CACNA2D3: variants seen among roughly 807,000 people sequenced by gnomAD.
CACNA2D3 encodes the protein calcium voltage-gated channel auxiliary subunit alpha2delta 3, also known as voltage-dependent calcium channel subunit alpha-2/delta-3.
In CACNA2D3, 60 loss-of-function variants were observed where a neutral mutation model predicts 160.6. The ratio of observed to expected loss-of-function variants is 0.37; its 90% CI spans 0.30 to 0.46. The LOEUF is 0.46. Among genes scored for constraint, CACNA2D3 ranks in the 20% least tolerant of loss-of-function variants. The pLI is 1.00. For synonymous variants in CACNA2D3, 558 were observed against 492.9 expected, an observed-to-expected ratio of 1.13 and a Z score of -1.75; for missense variants, 1,205 against 1,365.0, an observed-to-expected ratio of 0.88 and a Z score of 1.85.
intron 2 of CACNA2D3, among the ~76,000 whole-genome samples, chr3:54,290,168 G>A (rs540904027): frequency 6.6e-6 from 1 of 152,128 alleles, no homozygotes; most frequent in South Asian, 2.1e-4. Flanking sequence ...ATCTGACAAA[G>A]GGCTAATATC....
intron 11 of CACNA2D3, among the ~76,000 whole-genome samples, chr3:54,750,952 A>G (rs1004236635): frequency 5.3e-5 from 8 of 151,834 alleles, no homozygotes; most frequent in Non-Finnish European, 7.4e-5. Context: ...TTGTATTTTT[A>G]GTAGAGATGG....
intron 3 of CACNA2D3, among the ~76,000 whole-genome samples, chr3:54,332,358 T>A (rs936584642): frequency 6.6e-6 from 1 of 152,252 alleles, no homozygotes; most frequent in Non-Finnish European, 1.5e-5. Flanking sequence ...ATAACTGAGT[T>A]GTTAGCATTT....
At chr3:54,917,230 A>T (rs1700683513) in intron 27 of CACNA2D3, among the ~76,000 whole-genome samples, 2 of 152,234 alleles carry the variant, frequency 1.3e-5, no homozygotes, top group Non-Finnish European at 2.9e-5. Flanking sequence ...TTAAATAGCC[A>T]GCTCCCCTAC....
At chr3:54,692,667 C>T (rs901268086) in intron 11 of CACNA2D3, among the ~76,000 whole-genome samples, 10 of 152,194 alleles carry the variant, frequency 6.6e-5, no homozygotes, top group Non-Finnish European at 1.3e-4. Flanking sequence ...GGACACAACC[C>T]ATCAACCAGC....
chr3:55,020,456 T>A (rs1017742651), intron 35 of CACNA2D3, among the ~76,000 whole-genome samples: 4 of 149,846 alleles, frequency 2.7e-5, no homozygotes, highest in Non-Finnish European at 4.4e-5. Flanking sequence ...ATGTATAGTA[T>A]GTATGTATTA....
intron 3 of CACNA2D3, among the ~76,000 whole-genome samples, chr3:54,363,122 G>A (rs1396571546): frequency 6.6e-6 from 1 of 152,080 alleles, no homozygotes; most frequent in Non-Finnish European, 1.5e-5. Flanking sequence ...TTGAACCCAG[G>A]AGGCAGAGAT....
At chr3:54,461,245 G>C (rs1310310491) in intron 4 of CACNA2D3, among the ~76,000 whole-genome samples, 3 of 151,488 alleles carry the variant, frequency 2.0e-5, no homozygotes, top group Non-Finnish European at 4.4e-5. Context: ...CTCTTTTTTG[G>C]TTGTGTCTCT....
intron 28 of CACNA2D3, 43 bp from the exon 29 acceptor site, chr3:54,969,757 A>G (rs1702230625): frequency 1.3e-6 from 2 of 1,593,488 alleles, no homozygotes; most frequent in Non-Finnish European, 1.7e-6. Flanking sequence ...GGGATGCCCA[A>G]GTAACATAGT....
chr3:55,032,159 C>T (rs533579530), intron 35 of CACNA2D3, among the ~76,000 whole-genome samples: 3 of 152,270 alleles, frequency 2.0e-5, no homozygotes, highest in Admixed American at 2.0e-4. Flanking sequence ...GGAGTAAACT[C>T]TCCTGACCAA....
At chr3:54,194,418 C>T (rs1020471016) in intron 2 of CACNA2D3, among the ~76,000 whole-genome samples, 5 of 152,058 alleles carry the variant, frequency 3.3e-5, no homozygotes, top group African/African-American at 9.7e-5. Context: ...ATGATGGGAC[C>T]ATTTCATAAT....
At chr3:54,465,100 C>G (rs748621853) in intron 4 of CACNA2D3, among the ~76,000 whole-genome samples, 12 of 151,554 alleles carry the variant, frequency 7.9e-5, no homozygotes, top group Non-Finnish European at 1.3e-4. Flanking sequence ...TCTGTCTTCA[C>G]ATTCAGACAT....
At chr3:54,501,478 C>T (rs184031243) in intron 4 of CACNA2D3, among the ~76,000 whole-genome samples, 1 of 149,810 alleles carries the variant, frequency 6.7e-6, no homozygotes, top group Non-Finnish European at 1.5e-5. Context: ...ACAATCATGA[C>T]TCACTGCAGC....
chr3:54,991,667 T>C (rs1702746939), intron 31 of CACNA2D3, among the ~76,000 whole-genome samples: 2 of 152,122 alleles, frequency 1.3e-5, no homozygotes, highest in African/African-American at 4.8e-5. Flanking sequence ...TCTTTCAAGG[T>C]TCCTGACGGG....
At chr3:54,561,002 A>G (rs1294832231) in intron 5 of CACNA2D3, among the ~76,000 whole-genome samples, 6 of 152,210 alleles carry the variant, frequency 3.9e-5, no homozygotes, top group Non-Finnish European at 7.3e-5. Flanking sequence ...GTTTGAAGTC[A>G]GATACTGTGA....
chr3:55,048,234 G>A (rs1704105851), intron 35 of CACNA2D3, among the ~76,000 whole-genome samples: 1 of 139,760 alleles, frequency 7.2e-6, no homozygotes, highest in African/African-American at 2.7e-5. Flanking sequence ...ATTGGCTGTG[G>A]GTTTGTCATA....
At chr3:54,947,018 T>C (rs1701633468) in intron 27 of CACNA2D3, among the ~76,000 whole-genome samples, 1 of 152,206 alleles carries the variant, frequency 6.6e-6, no homozygotes, top group South Asian at 2.1e-4. Context: ...AGACAAGTAA[T>C]TGGGTCATCA....
intron 13 of CACNA2D3, among the ~76,000 whole-genome samples, chr3:54,805,903 C>A (rs1382151475): frequency 4.6e-5 from 7 of 152,094 alleles, no homozygotes; most frequent in African/African-American, 1.7e-4. Context: ...TCAATATATG[C>A]AAATCAATAA....
At chr3:54,576,870 C>T (rs994561366) in intron 8 of CACNA2D3, among the ~76,000 whole-genome samples, 1 of 151,918 alleles carries the variant, frequency 6.6e-6, no homozygotes, top group Non-Finnish European at 1.5e-5. Context: ...CTTGTTGCTA[C>T]AAATAATAAT....
chr3:54,674,624 G>A (rs1396409899), intron 11 of CACNA2D3, among the ~76,000 whole-genome samples: 1 of 152,166 alleles, frequency 6.6e-6, no homozygotes, highest in Non-Finnish European at 1.5e-5. Context: ...TGGGGTTCAA[G>A]TTGGTTGGAA....
Sources: allele counts gnomAD v4.1 joint callset (sites outside exome capture counted in the v4.1 genomes callset), GRCh38; gene constraint gnomAD v4.1.1; transcripts MANE v1.5; gene names NCBI Gene and HGNC (gene_info 2026-07-23, HGNC 2026-07-21).